Variants in NFIX observed in about 807,000 individuals in gnomAD.
NFIX encodes nuclear factor I X.
In NFIX, 2 loss-of-function variants were observed where a neutral mutation model predicts 53.3. That is an observed-to-expected ratio of 0.04 (90% CI 0.02 to 0.12). The LOEUF (loss-of-function observed/expected upper bound fraction) is 0.12, where lower values mean the gene tolerates loss of function less well. Among genes scored for constraint, NFIX ranks in the 10% least tolerant of loss-of-function variants. NFIX has a pLI of 1.00. For synonymous variants in NFIX, 244 were observed against 289.0 expected (o/e 0.84, Z 1.58); for missense variants, 310 against 674.5 (o/e 0.46, Z 5.99).
intron 2 of NFIX, among the ~76,000 whole-genome samples, chr19:13,063,536 T>C (rs571172504): frequency 6.6e-6 from 1 of 152,254 alleles, no homozygotes; most frequent in East Asian, 1.9e-4. Flanking sequence ...TTTTTTGTTT[T>C]TGTCCCCTTT....
rs150810373 is a variant in NFIX at position 13,014,979 on chromosome 19, A to G, written c.28-10042A>G. On this transcript the variant is annotated intron_variant, in intron 1 of 10. Coordinates refer to ENST00000592199, the MANE Select transcript of NFIX (RefSeq NM_001365902.3). The surrounding 1 kb of genome is among the most constrained non-coding windows in gnomAD (Gnocchi z 4.4). ...TGAAGTGCCTGAGGAAGAAACAGCA[A>G]TGAGAAAGCAATGGGAAAAATGGGC... is the stretch of plus-strand genomic sequence containing the variant. 3.5e-3 allele frequency among the ~76,000 whole-genome samples: 531 copies of G among 152,346 alleles called. 6 individuals are homozygous for G. Among genetic ancestry groups the G allele is most frequent in the African/African-American group, 0.012 (515 of 41,590 alleles).
intron 2 of NFIX, among the ~76,000 whole-genome samples, chr19:13,047,920 A>T (rs1037867076): frequency 6.6e-6 from 1 of 152,100 alleles, no homozygotes; most frequent in Admixed American, 6.5e-5. Context: ...CGTCTGCTCG[A>T]TGAAGGTAAA....
chr19:13,006,492 T>G lies in NFIX; in HGVS notation c.27+10628T>G, dbSNP rs1211141367. Among the ~76,000 whole-genome samples, 1 of 152,206 alleles carries G rather than the reference T, an allele frequency of 6.6e-6. No homozygotes were observed. The highest frequency in any genetic ancestry group is 1.9e-4 in the East Asian group (1 of 5,196). The stretch of plus-strand genomic sequence containing the variant: ...CCTTTCCTTTACAGAAACTGGGGCT[T>G]GATGGGCACTGGGTATTCGCAACCC... On this transcript the variant is annotated intron_variant, in intron 1 of 10. Transcript: ENST00000592199. The surrounding 1 kb of genome is among the most constrained non-coding windows in gnomAD (Gnocchi z 5.6).
At chr19:13,074,148 T>C (rs2145435861) in intron 5 of NFIX, 122 bp downstream of exon 5, 1 of 1,265,776 alleles carries the variant, frequency 7.9e-7, no homozygotes, top group Non-Finnish European at 1.1e-6. Flanking sequence ...ACCTCTCTCA[T>C]TGAGGGCACT....
intron 2 of NFIX, among the ~76,000 whole-genome samples, chr19:13,042,503 C>T (rs1043457456): frequency 4.4e-4 from 66 of 149,610 alleles, no homozygotes; most frequent in Non-Finnish European, 8.8e-4. Context: ...TACAGGTGTG[C>T]GCCACCACAC....
At chr19:13,063,034 A>G (rs142587892) in intron 2 of NFIX, among the ~76,000 whole-genome samples, 95 of 152,302 alleles carry the variant, frequency 6.2e-4, no homozygotes, top group Non-Finnish European at 1.1e-3. Flanking sequence ...GAAAGGGAAC[A>G]GTGGAGGGAG....
At chr19:13,047,927 T>C (rs1306435166) in intron 2 of NFIX, among the ~76,000 whole-genome samples, 1 of 152,206 alleles carries the variant, frequency 6.6e-6, no homozygotes, top group Non-Finnish European at 1.5e-5. Flanking sequence ...TCGATGAAGG[T>C]AAAGGCTGAT....
chr19:13,006,148 T>C lies in NFIX; in HGVS notation c.27+10284T>C, dbSNP rs2012003895. On this transcript the variant is annotated intron_variant, in intron 1 of 10. Transcript: ENST00000592199. The surrounding 1 kb of genome is among the most constrained non-coding windows in gnomAD (Gnocchi z 5.6). Reference sequence around the variant, plus strand: ...GTCCAGTCCTTGAGATGGCGCTAGGTGCTGTGGGAAGAACAGAGCTGGCCG... The same window carrying C: ...GTCCAGTCCTTGAGATGGCGCTAGGCGCTGTGGGAAGAACAGAGCTGGCCG... Among the ~76,000 whole-genome samples, 1 of 152,110 alleles carries C rather than the reference T, an allele frequency of 6.6e-6. No homozygotes were observed. The highest frequency in any genetic ancestry group is 2.4e-5 in the African/African-American group (1 of 41,404).
In NFIX at chr19:13,049,668, A is replaced by G. The variant is rs1281761765; in HGVS notation, c.560-23379A>G. Among the ~76,000 whole-genome samples the G allele has an allele frequency of 6.7e-6, 1 of 149,166 alleles. No homozygotes were observed. The highest frequency in any genetic ancestry group is 1.5e-5 in the Non-Finnish European group (1 of 67,694). On this transcript the variant is annotated intron_variant, in intron 2 of 10. Transcript: ENST00000592199. This position sits in a 1 kb window ranked among gnomAD's most constrained non-coding sequence, Gnocchi z 4.5. Reference sequence around the variant, plus strand: ...GAGTGCAGTGGCGCGATCTCTGCTCACTGCAACCTCTGCCTCCTGGGTTCA... The same window carrying G: ...GAGTGCAGTGGCGCGATCTCTGCTCGCTGCAACCTCTGCCTCCTGGGTTCA...
intron 2 of NFIX, among the ~76,000 whole-genome samples, chr19:13,069,268 T>C (rs1205414445): frequency 6.6e-6 from 1 of 152,130 alleles, no homozygotes; most frequent in African/African-American, 2.4e-5. Context: ...CCCCACTGGC[T>C]GGCAAGCAGG....
rs1314591960 is a variant in NFIX, at chr19:13,073,560, G to T, written c.697+64G>T. 1 of 1,426,516 alleles carries T rather than the reference G, an allele frequency of 7.0e-7. No individual in the cohort carries two copies. The allele number at this position is 1,426,516 out of a possible 1,614,324, so 88.4% of individuals were successfully genotyped here. A position where few individuals can be genotyped will look rare whatever the true frequency, so the allele number is the denominator to read the frequency against. ...GAAAGTGAGGAGGTGGGACCTCATGGGATGTCCTCCTAATGGGGTCTTAGG... is the reference window on the plus strand; with the variant it reads ...GAAAGTGAGGAGGTGGGACCTCATGTGATGTCCTCCTAATGGGGTCTTAGG... On this transcript the variant is annotated intron_variant, in intron 4 of 10. Transcript: ENST00000592199. The surrounding 1 kb of genome is among the most constrained non-coding windows in gnomAD (Gnocchi z 4.5).
intron 1 of NFIX, among the ~76,000 whole-genome samples, chr19:13,015,803 C>G (rs2012630201): frequency 6.9e-6 from 1 of 145,398 alleles, no homozygotes; most frequent in South Asian, 2.3e-4. Context: ...CACACACACA[C>G]ACACACACAC....
At position 13,081,876 on chromosome 19, in the gene NFIX, G is replaced by A. The variant is rs757661514; in HGVS notation, c.1254+21G>A. 4 of 1,612,710 alleles carry A rather than the reference G, an allele frequency of 2.5e-6. No homozygotes were observed. The highest frequency in any genetic ancestry group is 1.1e-5 in the South Asian group (1 of 90,934). ...GACAGGTGAGTCCAGAGGGCCCCAGGAGCCCGGCTACAGCCTCATCTCCAC... is the reference window on the plus strand; with the variant it reads ...GACAGGTGAGTCCAGAGGGCCCCAGAAGCCCGGCTACAGCCTCATCTCCAC... On this transcript the variant is annotated intron_variant, in intron 8 of 10. Transcript: ENST00000592199. This position sits in a 1 kb window ranked among gnomAD's most constrained non-coding sequence, Gnocchi z 4.7.
At chr19:13,069,501 C>G (rs2016636368) in intron 2 of NFIX, among the ~76,000 whole-genome samples, 1 of 152,254 alleles carries the variant, frequency 6.6e-6, no homozygotes, top group African/African-American at 2.4e-5. Context: ...AGAGCAGACA[C>G]TGGAGGGGGC....
chr19:13,021,019 T>G lies in NFIX; in HGVS notation c.28-4002T>G, dbSNP rs1008215934. 6.6e-6 allele frequency among the ~76,000 whole-genome samples: 1 copy of G among 152,166 alleles called. No homozygotes were observed. Among genetic ancestry groups the G allele is most frequent in the Non-Finnish European group, 1.5e-5 (1 of 68,032 alleles). On this transcript the variant is annotated intron_variant, in intron 1 of 10. Transcript: ENST00000592199. The surrounding 1 kb of genome is among the most constrained non-coding windows in gnomAD (Gnocchi z 4.2). ...AGGCTCGTGTTGGCCATTTTCTGTT[T>G]GGTGTCTAATATTTAGTATAAATCA...
Position 13,094,867 on chromosome 19 carries a change from C to T in NFIX, c.*218C>T, listed in dbSNP as rs1018673202. 8.8e-6 allele frequency: 5 copies of T among 567,712 alleles called. No homozygotes were observed. The highest frequency in any genetic ancestry group is 3.8e-5 in the African/African-American group (2 of 52,856). 35.2% of individuals were successfully genotyped at this position (567,712 alleles called of 1,614,324 possible). ...CTCAGAGAGCCCTTGGAAGGGGTCT[C>T]GGTGGAGCTGTGCACCAGCAGCCAA... On this transcript the variant is annotated 3_prime_UTR_variant, in exon 11 of 11. Transcript: ENST00000592199. The surrounding 1 kb of genome is among the most constrained non-coding windows in gnomAD (Gnocchi z 4.3).
In NFIX at chr19:13,006,734, C is replaced by G. The variant is rs2012035305; in HGVS notation, c.27+10870C>G. On this transcript the variant is annotated intron_variant, in intron 1 of 10. Coordinates refer to ENST00000592199, the MANE Select transcript of NFIX (RefSeq NM_001365902.3). This position sits in a 1 kb window ranked among gnomAD's most constrained non-coding sequence, Gnocchi z 5.6. Reference sequence around the variant, plus strand: ...CTTTGTCTGTTGGGTTCCCCAACTCCCACCAGGGCCCCAGATTCTCTCCAC... The same window carrying G: ...CTTTGTCTGTTGGGTTCCCCAACTCGCACCAGGGCCCCAGATTCTCTCCAC... 6.6e-6 allele frequency among the ~76,000 whole-genome samples: 1 copy of G among 152,220 alleles called. No individual in the cohort carries two copies. Among genetic ancestry groups the G allele is most frequent in the South Asian group, 2.1e-4 (1 of 4,838 alleles).
chr19:13,042,355 CTTTTTTT>C (rs35785662), intron 2 of NFIX, among the ~76,000 whole-genome samples: 1 of 100,574 alleles, frequency 9.9e-6, no homozygotes, highest in Non-Finnish European at 1.9e-5. Context: ...CTTTTACATG[CTTTTTTT>C]TTTTTTTTTT....
Position 13,036,388 on chromosome 19 carries a change from G to T in NFIX, c.559+10836G>T, listed in dbSNP as rs1183772091. Among the ~76,000 whole-genome samples, 3 of 151,982 alleles carry T rather than the reference G, an allele frequency of 2.0e-5. No individual in the cohort carries two copies. Among genetic ancestry groups the T allele is most frequent in the African/African-American group, 7.3e-5 (3 of 41,374 alleles). On this transcript the variant is annotated intron_variant, in intron 2 of 10. Transcript: ENST00000592199. The surrounding 1 kb of genome is among the most constrained non-coding windows in gnomAD (Gnocchi z 4.7). ...AGAGGAAGAAGAGCGTCCTCTCCAG[G>T]CCAGGGGTGGGGCTGTGGAAATGAG...
Sources: allele counts gnomAD v4.1 joint callset (sites outside exome capture counted in the v4.1 genomes callset), GRCh38; gene constraint gnomAD v4.1.1; non-coding constraint Gnocchi (gnomAD v3.1); transcripts MANE v1.5; gene names NCBI Gene and HGNC (gene_info 2026-07-23, HGNC 2026-07-21).